The following CHST10 variants were observed in gnomAD, a reference collection of about 807,000 sequenced individuals.
The protein encoded by CHST10 is carbohydrate sulfotransferase 10.
CHST10 carries 24 observed loss-of-function variants against 34.7 expected under a neutral mutation model. The observed-to-expected ratio is 0.69, with a 90% CI of 0.50 to 0.97. CHST10 has a LOEUF of 0.97. Among genes scored for constraint, CHST10 ranks in the 50% least tolerant of loss-of-function variants. The pLI, the probability that CHST10 is intolerant of heterozygous loss-of-function variation, is 0.00. For synonymous variants in CHST10, 161 were observed against 169.3 expected (o/e 0.95, Z 0.38); for missense variants, 402 against 452.1 (o/e 0.89, Z 1.00).
At chr2:100,409,045 C>T (rs889037958) in intron 2 of CHST10, among the ~76,000 whole-genome samples, 3 of 152,102 alleles carry the variant, frequency 2.0e-5, no homozygotes, top group Non-Finnish European at 4.4e-5. Context: ...AAGGGAACAA[C>T]GATAAGAGGC....
Position 100,402,557 on chromosome 2 carries a change from T to G in CHST10, c.192+7A>C. On this transcript the variant is annotated splice_region_variant and intron_variant, in intron 4 of 6. Coordinates refer to ENST00000264249, the MANE Select transcript of CHST10 (RefSeq NM_004854.5). ...GAGGACAAGGACCACGGCCTGGCTG[T>G]GCCCACCTTCAGTTCCTCAGGAATG... The G allele has an allele frequency of 1.2e-6, 2 of 1,612,924 alleles. No individual in the cohort carries two copies. The highest frequency in any genetic ancestry group is 1.7e-6 in the Non-Finnish European group (2 of 1,179,364).
At chr2:100,401,881 C>T (rs78445024) in intron 4 of CHST10, among the ~76,000 whole-genome samples, 5,848 of 152,240 alleles carry the variant, frequency 0.038, 364 homozygotes, top group African/African-American at 0.13. Context: ...TTTTAGGGCT[C>T]GCTGTACCCA....
intron 3 of CHST10, 96 bp downstream of exon 3, chr2:100,406,480 A>T: frequency 6.7e-7 from 1 of 1,485,696 alleles, no homozygotes; most frequent in Non-Finnish European, 9.1e-7. Context: ...AAGTCCTTTG[A>T]CTCTGTGACA....
chr2:100,410,984 T>C (rs562152884), intron 2 of CHST10, among the ~76,000 whole-genome samples: 1 of 152,282 alleles, frequency 6.6e-6, no homozygotes, highest in South Asian at 2.1e-4. Context: ...GTGTGAAATA[T>C]ATATGATTAC....
At position 100,392,854 on chromosome 2, in the gene CHST10, GAAGCCACCCTGAC is replaced by G; in HGVS notation, c.*378_*390del. The G allele has an allele frequency of 4.6e-6, 1 of 217,016 alleles. No homozygotes were observed. Among genetic ancestry groups the G allele is most frequent in the Non-Finnish European group, 9.3e-6 (1 of 107,602 alleles). 13.4% of individuals were successfully genotyped at this position (217,016 alleles called of 1,614,324 possible). On this transcript the variant is annotated 3_prime_UTR_variant, in exon 7 of 7. Coordinates refer to ENST00000264249, the MANE Select transcript of CHST10 (RefSeq NM_004854.5). ...TTCCTGCAACCCACCAGTGATGGGTGAAGCCACCCTGACTAGCCAGGAGAACCTCAGGGGCATC... is the reference window on the plus strand; with the variant it reads ...TTCCTGCAACCCACCAGTGATGGGTGTAGCCAGGAGAACCTCAGGGGCATC...
intron 3 of CHST10, among the ~76,000 whole-genome samples, chr2:100,404,936 C>T (rs1291824192): frequency 3.3e-5 from 5 of 152,198 alleles, no homozygotes; most frequent in Non-Finnish European, 7.3e-5. Context: ...CTCTTCAGTT[C>T]TCCAGCTAGG....
intron 3 of CHST10, among the ~76,000 whole-genome samples, chr2:100,403,860 G>C (rs1471689292): frequency 6.6e-6 from 1 of 152,200 alleles, no homozygotes; most frequent in African/African-American, 2.4e-5. Flanking sequence ...ATGGCCACGA[G>C]CTTAGAGGGG....
chr2:100,395,156 A>G (rs6754869), intron 6 of CHST10, among the ~76,000 whole-genome samples: 21,008 of 152,208 alleles, frequency 0.14, 3,798 homozygotes, highest in African/African-American at 0.41. Context: ...ACTCAGTGAG[A>G]TCTCTGCAAT....
intron 5 of CHST10, among the ~76,000 whole-genome samples, chr2:100,397,198 C>T (rs72962175): frequency 0.018 from 2,684 of 152,222 alleles, 87 homozygotes; most frequent in African/African-American, 0.061. Flanking sequence ...TAAGCAGAGC[C>T]CATAATTATT....
chr2:100,395,735 AC>A (rs1202701923), intron 5 of CHST10, 121 bp from the exon 6 acceptor site: 2 of 620,644 alleles, frequency 3.2e-6, no homozygotes, highest in Non-Finnish European at 5.6e-6. Context: ...TGACAAGCCC[AC>A]CCCCAATATC....
At chr2:100,400,724 G>A (rs1168274570) in intron 4 of CHST10, among the ~76,000 whole-genome samples, 1 of 152,174 alleles carries the variant, frequency 6.6e-6, no homozygotes, top group Admixed American at 6.5e-5. Flanking sequence ...TGTTGCCCAA[G>A]CTGGAGTGCA....
At chr2:100,404,797 T>A (rs1675499599) in intron 3 of CHST10, among the ~76,000 whole-genome samples, 1 of 152,248 alleles carries the variant, frequency 6.6e-6, no homozygotes, top group Non-Finnish European at 1.5e-5. Context: ...CTACTCCTAC[T>A]TTTTTAAGCA....
chr2:100,395,589 G>A lies in CHST10; in HGVS notation c.453C>T (p.Ile151=). 3 of 1,614,068 alleles carry A rather than the reference G, an allele frequency of 1.9e-6. No homozygotes were observed. The highest frequency in any genetic ancestry group is 2.5e-6 in the Non-Finnish European group (3 of 1,179,942). The change falls in exon 6 of 7, where the codon ATC becomes ATT. Residue 151 remains isoleucine (I), a synonymous_variant. Coordinates refer to ENST00000264249, the MANE Select transcript of CHST10 (RefSeq NM_004854.5). ...LNGAFSSIEE[I]PENVVHDHEK... ...CGTGGTCGTGCACCACGTTTTCGGG[G>A]ATCTCCTCAATGGAAGAAAATGCTC...
chr2:100,403,282 G>T lies in CHST10; in HGVS notation c.101-627C>A, dbSNP rs371617004. Among the ~76,000 whole-genome samples, 29 of 152,230 alleles carry T rather than the reference G, an allele frequency of 1.9e-4. 1 individual carries two copies. The highest frequency in any genetic ancestry group is 7.0e-4 in the African/African-American group (29 of 41,544). ...GTCAACCAGGAGAGGAAAAACCAGC[G>T]CCTACAAACACAAACCAGGTCCACA... On this transcript the variant is annotated intron_variant, in intron 3 of 6. Coordinates refer to ENST00000264249, the MANE Select transcript of CHST10 (RefSeq NM_004854.5).
intron 2 of CHST10, among the ~76,000 whole-genome samples, chr2:100,410,986 T>C (rs1460055827): frequency 6.6e-6 from 1 of 152,168 alleles, no homozygotes; most frequent in East Asian, 1.9e-4. Flanking sequence ...GTGAAATATA[T>C]ATGATTACAC....
At chr2:100,401,658 G>A (rs759483326) in intron 4 of CHST10, among the ~76,000 whole-genome samples, 19 of 152,130 alleles carry the variant, frequency 1.2e-4, no homozygotes, top group African/African-American at 1.9e-4. Flanking sequence ...ACCCTGGGAT[G>A]CCTCAACCTA....
chr2:100,400,911 C>A (rs1675309629), intron 4 of CHST10, among the ~76,000 whole-genome samples: 1 of 151,958 alleles, frequency 6.6e-6, no homozygotes, highest in Non-Finnish European at 1.5e-5. Context: ...GAACTCCTGA[C>A]CTCAGGTGAT....
intron 2 of CHST10, chr2:100,407,613 T>A (rs1675636936): frequency 6.6e-6 from 1 of 152,226 alleles, no homozygotes; most frequent in South Asian, 2.1e-4. Context: ...GAGAGCCTCC[T>A]AACCCTGGGT....
At chr2:100,406,465 C>G in intron 3 of CHST10, 111 bp downstream of exon 3, 1 of 1,400,194 alleles carries the variant, frequency 7.1e-7, no homozygotes, top group Non-Finnish European at 9.8e-7. Flanking sequence ...TCCCTGCTGG[C>G]ATGAAAGTCC....
Sources: allele counts gnomAD v4.1 joint callset (sites outside exome capture counted in the v4.1 genomes callset), GRCh38; gene constraint gnomAD v4.1.1; transcripts MANE v1.5; gene names NCBI Gene and HGNC (gene_info 2026-07-23, HGNC 2026-07-21).